NPR3: variants seen among roughly 807,000 people sequenced by gnomAD.
NPR3 encodes the protein natriuretic peptide receptor 3.
A neutral mutation model predicts 54.5 loss-of-function variants in NPR3; 34 were observed. That is an observed-to-expected ratio of 0.62 (90% CI 0.47 to 0.83). NPR3 has a LOEUF of 0.83. NPR3 is among the 40% of genes least tolerant of loss of function. NPR3 has a pLI of 0.00. For missense variants in NPR3, 674 were observed against 720.8 expected (o/e 0.94, Z 0.74); for synonymous variants, 289 against 297.1 (o/e 0.97, Z 0.28).
intron 4 of NPR3, among the ~76,000 whole-genome samples, chr5:32,777,498 T>C (rs1742119266): frequency 6.6e-6 from 1 of 152,248 alleles, no homozygotes; most frequent in African/African-American, 2.4e-5. Context: ...CTATATCTAT[T>C]TGTAATCCAA....
chr5:32,722,642 C>T (rs147477644), intron 1 of NPR3, among the ~76,000 whole-genome samples: 1,650 of 152,198 alleles, frequency 0.011, 12 homozygotes, highest in Middle Eastern at 0.027. Context: ...CAGAACTTCC[C>T]GGAACCTCCT....
chr5:32,768,897 T>C (rs1741610499), intron 3 of NPR3, among the ~76,000 whole-genome samples: 3 of 152,208 alleles, frequency 2.0e-5, no homozygotes, highest in African/African-American at 7.2e-5. Flanking sequence ...ATGCTTCCAC[T>C]ATGCACAGAG....
chr5:32,786,460 TTAG>T lies in NPR3; in HGVS notation c.*118_*120del, dbSNP rs1355709885. 3.1e-6 allele frequency: 2 copies of T among 648,390 alleles called. No individual in the cohort carries two copies. The highest frequency in any genetic ancestry group is 3.8e-5 in the African/African-American group (2 of 53,040). 40.2% of individuals were successfully genotyped at this position (648,390 alleles called of 1,614,324 possible). A position where few individuals can be genotyped will look rare whatever the true frequency, so the allele number is the denominator to read the frequency against. ...TTGAAGAATTCATAATTTTAAGCAGTTAGTAATTTCATTTTAAAATTTCTGTAG... is the reference window on the plus strand; with the variant it reads ...TTGAAGAATTCATAATTTTAAGCAGTTAATTTCATTTTAAAATTTCTGTAG... On this transcript the variant is annotated 3_prime_UTR_variant, in exon 8 of 8. Coordinates refer to ENST00000265074, the MANE Select transcript of NPR3 (RefSeq NM_001204375.2).
chr5:32,739,388 A>G (rs1439084686), intron 3 of NPR3, among the ~76,000 whole-genome samples: 2 of 152,048 alleles, frequency 1.3e-5, no homozygotes, highest in Non-Finnish European at 2.9e-5. Context: ...GAGAAGGAGG[A>G]TGAAGGGGTG....
intron 3 of NPR3, among the ~76,000 whole-genome samples, chr5:32,752,038 C>A (rs774534471): frequency 6.6e-6 from 1 of 152,100 alleles, no homozygotes; most frequent in African/African-American, 2.4e-5. Flanking sequence ...CCCGTCTCTA[C>A]TAAAAATACA....
rs1158715 is a variant in NPR3 at position 32,788,263 on chromosome 5, G to A, written c.*1918G>A. 56,883 of 152,066 alleles carry A rather than the reference G, an allele frequency of 0.37. 11,771 individuals carry two copies. The highest frequency in any genetic ancestry group is 0.65 in the East Asian group (3,341 of 5,162). 9.4% of individuals were successfully genotyped at this position (152,066 alleles called of 1,614,324 possible). A position where few individuals can be genotyped will look rare whatever the true frequency, so the allele number is the denominator to read the frequency against. ...TGCTGGATGCAAAGGAAAAAGTGTCGAATTCCAAAAAGGATGGAAGAAGAA... is the reference window on the plus strand; with the variant it reads ...TGCTGGATGCAAAGGAAAAAGTGTCAAATTCCAAAAAGGATGGAAGAAGAA... On this transcript the variant is annotated 3_prime_UTR_variant, in exon 8 of 8. Coordinates refer to ENST00000265074, the MANE Select transcript of NPR3 (RefSeq NM_001204375.2).
chr5:32,714,577 G>A (rs1021407544), intron 1 of NPR3, among the ~76,000 whole-genome samples: 5 of 151,332 alleles, frequency 3.3e-5, no homozygotes, highest in Non-Finnish European at 7.4e-5. Flanking sequence ...TTTTACAAGT[G>A]ATAAGGTTAG....
At chr5:32,755,519 C>A (rs1740790811) in intron 3 of NPR3, among the ~76,000 whole-genome samples, 2 of 152,130 alleles carry the variant, frequency 1.3e-5, no homozygotes, top group Non-Finnish European at 2.9e-5. Flanking sequence ...GCTGTGAGGA[C>A]AATTTAGCAC....
At chr5:32,757,719 A>G (rs1311945375) in intron 3 of NPR3, among the ~76,000 whole-genome samples, 2 of 152,196 alleles carry the variant, frequency 1.3e-5, no homozygotes, top group Admixed American at 1.3e-4. Flanking sequence ...TCCATTCAGT[A>G]TGATATTGGC....
At chr5:32,725,416 A>G (rs892276055) in intron 2 of NPR3, among the ~76,000 whole-genome samples, 1 of 152,246 alleles carries the variant, frequency 6.6e-6, no homozygotes, top group Non-Finnish European at 1.5e-5. Context: ...CATCTCCAAC[A>G]ATTCAATTGG....
At chr5:32,763,103 G>T (rs891280309) in intron 3 of NPR3, among the ~76,000 whole-genome samples, 2 of 152,092 alleles carry the variant, frequency 1.3e-5, no homozygotes, top group East Asian at 3.9e-4. Flanking sequence ...TTTCCCCATT[G>T]CTTGTTTTTG....
chr5:32,706,486 C>T (rs764257787), upstream of NPR3, among the ~76,000 whole-genome samples: 6 of 152,156 alleles, frequency 3.9e-5, no homozygotes, highest in Non-Finnish European at 8.8e-5. Context: ...TCTTGAAATG[C>T]TTAAGGCATT....
At chr5:32,704,854 T>G (rs2111823084), upstream of NPR3, among the ~76,000 whole-genome samples, 1 of 152,354 alleles carries the variant, frequency 6.6e-6, no homozygotes, top group Non-Finnish European at 1.5e-5. Flanking sequence ...ATTTGTGTGC[T>G]TTCTCAAATC....
At position 32,783,007 on chromosome 5, in the gene NPR3, A is replaced by G. The variant is rs765044510; in HGVS notation, c.1405A>G (p.Asn469Asp). Reference protein sequence around the residue: ...IDENRIVEHTNSSPCKSSGGL... With the variant: ...IDENRIVEHTDSSPCKSSGGL... ...TGAAAACCGAATTGTAGAGCATACAAACAGCTCTCCCTGCAAATCATGTAA... is the reference window on the plus strand; with the variant it reads ...TGAAAACCGAATTGTAGAGCATACAGACAGCTCTCCCTGCAAATCATGTAA... Residue 469 changes from asparagine (N) to aspartate (D), a missense_variant, in exon 6 of 8, where the codon AAC becomes GAC. Coordinates refer to ENST00000265074, the MANE Select transcript of NPR3 (RefSeq NM_001204375.2). 2.5e-6 allele frequency: 4 copies of G among 1,603,090 alleles called. No individual in the cohort carries two copies. The African/African-American group carries it at 5.3e-5, about 21-fold the overall frequency.
chr5:32,705,809 G>C (rs1313354393), upstream of NPR3, among the ~76,000 whole-genome samples: 1 of 152,134 alleles, frequency 6.6e-6, no homozygotes, highest in Non-Finnish European at 1.5e-5. Flanking sequence ...CAACGCCATA[G>C]ATATCTCAAT....
chr5:32,758,330 G>C (rs886326248), intron 3 of NPR3, among the ~76,000 whole-genome samples: 2 of 152,084 alleles, frequency 1.3e-5, no homozygotes, highest in African/African-American at 4.8e-5. Flanking sequence ...TGTAGTCTTC[G>C]GAGGGTGTAT....
upstream of NPR3, among the ~76,000 whole-genome samples, chr5:32,705,924 A>G (rs1323406013): frequency 6.6e-6 from 1 of 152,238 alleles, no homozygotes; most frequent in Non-Finnish European, 1.5e-5. Flanking sequence ...ACAAAAGCAG[A>G]ACTTTCAATG....
intron 1 of NPR3, among the ~76,000 whole-genome samples, chr5:32,696,772 T>C (rs1740542374): frequency 1.3e-5 from 2 of 152,172 alleles, no homozygotes; most frequent in African/African-American, 4.8e-5. Context: ...AAAGCGGGAT[T>C]ACTCTCTTGA....
Position 32,789,369 on chromosome 5 carries a change from T to G in NPR3, c.*3024T>G. ...TCTGGAAAGAATTTTTTGTATAGAGTCCATCTCTCCCTCAAGACTGACCAC... is the reference window on the plus strand; with the variant it reads ...TCTGGAAAGAATTTTTTGTATAGAGGCCATCTCTCCCTCAAGACTGACCAC... On this transcript the variant is annotated 3_prime_UTR_variant, in exon 8 of 8. Transcript: ENST00000265074. 2.2e-6 allele frequency: 1 copy of G among 463,556 alleles called. No homozygotes were observed. The highest frequency in any genetic ancestry group is 4.3e-6 in the Non-Finnish European group (1 of 231,236). The allele number at this position is 463,556 out of a possible 1,614,324, so 28.7% of individuals were successfully genotyped here.
Sources: gnomAD v4.1 joint callset for allele counts (sites outside exome capture counted in the v4.1 genomes callset) on GRCh38, gnomAD v4.1.1 for gene constraint, MANE v1.5 for transcripts, NCBI Gene and HGNC (gene_info 2026-07-23, HGNC 2026-07-21) for gene names.